The following PPAN variants were observed in gnomAD, a reference collection of about 807,000 sequenced individuals.
PPAN encodes the protein suppressor of SWI4 1 homolog.
Under a neutral mutation model 48.5 loss-of-function variants are expected in PPAN, and 39 were observed. That is an observed-to-expected ratio of 0.80 (90% CI 0.62 to 1.05). The LOEUF is 1.05. PPAN is among the 50% of genes least tolerant of loss of function. PPAN has a pLI of 0.00. For synonymous variants in PPAN, 315 were observed against 268.6 expected (o/e 1.17, Z -1.69); for missense variants, 736 against 661.7 (o/e 1.11, Z -1.23).
At chr19:10,108,643 T>TG (rs1159948208) in intron 5 of PPAN, among the ~76,000 whole-genome samples, 1 of 150,446 alleles carries the variant, frequency 6.6e-6, no homozygotes, top group Non-Finnish European at 1.5e-5. Flanking sequence ...TACCAGCTAC[T>TG]GGGGAGGCTG....
chr19:10,108,326 T>C (rs1258046917), intron 5 of PPAN, among the ~76,000 whole-genome samples, 192 bp downstream of exon 5: 1 of 152,126 alleles, frequency 6.6e-6, no homozygotes, highest in Non-Finnish European at 1.5e-5. Context: ...CCCCCAGCGG[T>C]CCACACCCCG....
At chr19:10,106,705 C>A in intron 2 of PPAN, 34 bp downstream of exon 2, 1 of 1,504,194 alleles carries the variant, frequency 6.6e-7, no homozygotes. Context: ...CCTCCACCCA[C>A]CCTCGGCCTA....
chr19:10,109,764 C>T (rs557507858), intron 6 of PPAN, 57 bp downstream of exon 6: 28 of 1,593,332 alleles, frequency 1.8e-5, no homozygotes, highest in South Asian at 1.2e-4. Context: ...CCTCCACATG[C>T]GGCTGATGAC....
At position 10,110,475 on chromosome 19, in the gene PPAN, C is replaced by A; in HGVS notation, c.902-10C>A. 6.2e-7 allele frequency: 1 copy of A among 1,612,048 alleles called. No individual in the cohort carries two copies. The highest frequency in any genetic ancestry group is 8.5e-7 in the Non-Finnish European group (1 of 1,179,656). ...ACCCGGATCTTGGTGACCCGCGTCT[C>A]TTGGCTCAGTGAGCAAGACGGAGGA... On this transcript the variant is annotated splice_polypyrimidine_tract_variant and intron_variant, in intron 9 of 11. Transcript: ENST00000253107. The surrounding 1 kb of genome is among the most constrained non-coding windows in gnomAD (Gnocchi z 5.9).
Position 10,109,642 on chromosome 19 carries a change from C to T in PPAN, c.525C>T (p.Asn175=). 1 of 1,613,648 alleles carries T rather than the reference C, an allele frequency of 6.2e-7. No homozygotes were observed. The highest frequency in any genetic ancestry group is 8.5e-7 in the Non-Finnish European group (1 of 1,179,772). ...TCCTCCCCTTCCAGGTGAACCTGAA[C>T]ACCATCAAGCGCTGCCTCCTCATCG... ...PSINVHKVNL[N]TIKRCLLIDY... Residue 175 remains asparagine, a synonymous_variant, in exon 6 of 12, where the codon AAC becomes AAT. Transcript: ENST00000253107.
At chr19:10,108,957 G>A (rs1015481854) in intron 5 of PPAN, among the ~76,000 whole-genome samples, 14 of 147,258 alleles carry the variant, frequency 9.5e-5, no homozygotes, top group Non-Finnish European at 1.5e-4. Flanking sequence ...AGAATTTCTT[G>A]TTTACCTTTT....
intron 4 of PPAN, 42 bp from the exon 5 acceptor site, chr19:10,107,922 T>C (rs2088891277): frequency 1.9e-6 from 3 of 1,600,720 alleles, no homozygotes; most frequent in Middle Eastern, 1.7e-4. Context: ...TCCGCAGCCA[T>C]GTGTGGTTGG....
intron 2 of PPAN, chr19:10,106,933 TC>T: frequency 1.5e-6 from 1 of 654,582 alleles, no homozygotes; most frequent in Non-Finnish European, 2.7e-6. Flanking sequence ...ATGCCTGTAT[TC>T]CCAGCATTTG....
intron 2 of PPAN, 96 bp downstream of exon 2, chr19:10,106,767 A>G: frequency 6.9e-7 from 1 of 1,442,750 alleles, no homozygotes; most frequent in Non-Finnish European, 9.1e-7. Context: ...GGAGGACTTA[A>G]GTCTCCCCAG....
chr19:10,110,014 T>C lies in PPAN; in HGVS notation c.692T>C (p.Leu231Pro), dbSNP rs758184576. The change falls in exon 7 of 12, where the codon CTG becomes CCG. Residue 231 changes from leucine (L) to proline (P), a missense_variant. Leu to Pro is a moderately conservative substitution (Grantham distance 98). Coordinates refer to ENST00000253107, the MANE Select transcript of PPAN (RefSeq NM_020230.7). The surrounding 1 kb of genome is among the most constrained non-coding windows in gnomAD (Gnocchi z 5.9). ...CGCCTGCAGGACATCAGCGAGCTGC[T>C]GGCCACGTGAGGAGGGCATAGGGCG... is the stretch of plus-strand genomic sequence containing the variant. ...MSRLQDISELLATGAGLSESE... is the reference protein window; with the variant it reads ...MSRLQDISELPATGAGLSESE... The C allele has an allele frequency of 1.9e-6, 3 of 1,613,874 alleles. No individual in the cohort carries two copies. Among genetic ancestry groups the C allele is most frequent in the Non-Finnish European group, 1.7e-6 (2 of 1,179,908 alleles).
Position 10,111,430 on chromosome 19 carries a change from C to T in PPAN, c.*265C>T, listed in dbSNP as rs1327970671. The T allele has an allele frequency of 1.6e-5, 10 of 629,384 alleles. No individual in the cohort carries two copies. Among genetic ancestry groups the T allele is most frequent in the Non-Finnish European group, 2.7e-5 (10 of 364,076 alleles). 39.0% of individuals were successfully genotyped at this position (629,384 alleles called of 1,614,324 possible). A position where few individuals can be genotyped will look rare whatever the true frequency, so the allele number is the denominator to read the frequency against. Reference sequence around the variant, plus strand: ...GAAGCTGGGTCTCTCCCCTACCCTGCACGGGGTTGGTTTCATTGGTGGCAG... The same window carrying T: ...GAAGCTGGGTCTCTCCCCTACCCTGTACGGGGTTGGTTTCATTGGTGGCAG... On this transcript the variant is annotated 3_prime_UTR_variant, in exon 12 of 12. Coordinates refer to ENST00000253107, the MANE Select transcript of PPAN (RefSeq NM_020230.7).
chr19:10,110,920 G>C lies in PPAN; in HGVS notation c.1202-25G>C, dbSNP rs753045746. The C allele has an allele frequency of 4.7e-5, 76 of 1,612,724 alleles. No individual in the cohort carries two copies. Among genetic ancestry groups the C allele is most frequent in the Non-Finnish European group, 5.8e-5 (68 of 1,179,832 alleles). ...CCAGAGCCTGTCCTTGTCTCTGGGG[G>C]CCCTGACACTGTCTCTCCCCACAGA... is the stretch of plus-strand genomic sequence containing the variant. On this transcript the variant is annotated intron_variant, in intron 11 of 11. Transcript: ENST00000253107. The surrounding 1 kb of genome is among the most constrained non-coding windows in gnomAD (Gnocchi z 5.9).
intron 2 of PPAN, 130 bp downstream of exon 2, chr19:10,106,801 G>GAGC (rs768070407): frequency 1.2e-4 from 166 of 1,377,778 alleles, no homozygotes; most frequent in Non-Finnish European, 1.6e-4. Flanking sequence ...CCCTCATGGG[G>GAGC]AGCATCATTT....
chr19:10,107,386 C>CTGGGCTTGT (rs1334988209), intron 2 of PPAN, 119 bp from the exon 3 acceptor site: 2 of 1,061,132 alleles, frequency 1.9e-6, no homozygotes, highest in Admixed American at 2.5e-5. Flanking sequence ...TTTTGCTCCT[C>CTGGGCTTGT]TGGGCTTGTT....
Position 10,107,588 on chromosome 19 carries a change from A to G in PPAN, c.273A>G (p.Thr91=), listed in dbSNP as rs1312479350. 2 of 1,614,048 alleles carry G rather than the reference A, an allele frequency of 1.2e-6. No individual in the cohort carries two copies. Among genetic ancestry groups the G allele is most frequent in the Admixed American group, 1.7e-5 (1 of 59,994 alleles). ...CACACTTTCTGATCCTGAGCAAAAC[A>G]GAGACCAATGTCTACTTTGTGAGTA... ...GVTHFLILSK[T]ETNVYFKLMR... is the part of the protein sequence containing the mutation. The change falls in exon 3 of 12, where the codon ACA becomes ACG. Residue 91 remains threonine (T), a synonymous_variant. Transcript: ENST00000253107.
In PPAN at chr19:10,110,617, C is replaced by T. The variant is rs778394642; in HGVS notation, c.1031+3C>T. On this transcript the variant is annotated splice_donor_region_variant and intron_variant, in intron 10 of 11. Transcript: ENST00000253107. The surrounding 1 kb of genome is among the most constrained non-coding windows in gnomAD (Gnocchi z 5.9). The stretch of plus-strand genomic sequence containing the variant: ...CAGGAGCAGCGGGAGGCCCACAGGT[C>T]CAGGCAGAGCTGGGAAGGGCAGGGC... 1.2e-6 allele frequency: 2 copies of T among 1,606,390 alleles called. No homozygotes were observed. The highest frequency in any genetic ancestry group is 1.7e-5 in the Admixed American group (1 of 58,026).
Position 10,111,731 on chromosome 19 carries a change from A to G in PPAN, c.*566A>G, listed in dbSNP as rs1235972085. The G allele has an allele frequency of 2.5e-6, 4 of 1,613,598 alleles. No individual in the cohort carries two copies. In the South Asian group the frequency reaches 4.4e-5, roughly 18 times the overall value. On this transcript the variant is annotated 3_prime_UTR_variant, in exon 12 of 12. Transcript: ENST00000253107. ...GGATCGGCACGGGAGCATGGCAGCC[A>G]ACGTCTCGGGTAAGGAGAAGGCATG...
In PPAN at chr19:10,108,179, G is replaced by A. The variant is rs199873441; in HGVS notation, c.513+45G>A. 1.0e-3 allele frequency: 1,642 copies of A among 1,566,744 alleles called. 8 individuals carry two copies. Among genetic ancestry groups the A allele is most frequent in the South Asian group, 1.3e-3 (107 of 83,084 alleles). On this transcript the variant is annotated intron_variant, in intron 5 of 11. Transcript: ENST00000253107. ...GTGGCAGGTATGGGGGGGTGCAGCG[G>A]ATAGAGGTGCCACAGGCCCTCAGAT... is the stretch of plus-strand genomic sequence containing the variant.
rs1204487303 is a variant in PPAN at position 10,110,940 on chromosome 19, C to T, written c.1202-5C>T. The T allele has an allele frequency of 1.2e-6, 2 of 1,613,432 alleles. No individual in the cohort carries two copies. Among genetic ancestry groups the T allele is most frequent in the African/African-American group, 1.3e-5 (1 of 74,948 alleles). ...TGGGGGCCCTGACACTGTCTCTCCC[C>T]ACAGACCTGTTCCCCGAGGCCAAGC... On this transcript the variant is annotated splice_region_variant and splice_polypyrimidine_tract_variant and intron_variant, in intron 11 of 11. Transcript: ENST00000253107. The surrounding 1 kb of genome is among the most constrained non-coding windows in gnomAD (Gnocchi z 5.9).
Sources: allele counts gnomAD v4.1 joint callset (sites outside exome capture counted in the v4.1 genomes callset), GRCh38; gene constraint gnomAD v4.1.1; non-coding constraint Gnocchi (gnomAD v3.1); transcripts MANE v1.5; gene names NCBI Gene and HGNC (gene_info 2026-07-23, HGNC 2026-07-21).